The following GRM7 variants were observed in gnomAD, a reference collection of about 807,000 sequenced individuals.
GRM7 encodes metabotropic glutamate receptor 7.
GRM7 carries 35 observed loss-of-function variants against 84.5 expected under a neutral mutation model. The observed-to-expected ratio is 0.41, with a 90% CI of 0.32 to 0.55. The LOEUF (loss-of-function observed/expected upper bound fraction) is 0.55, where lower values mean the gene tolerates loss of function less well. Ranked by LOEUF, GRM7 falls within the 20% of genes least tolerant of loss-of-function variation. GRM7 has a pLI of 0.19. For missense variants in GRM7, 1,003 were observed against 1,194.6 expected (o/e 0.84, Z 2.36); for synonymous variants, 487 against 455.1 (o/e 1.07, Z -0.89).
At chr3:7,287,494 C>A (rs1276027654) in intron 2 of GRM7, among the ~76,000 whole-genome samples, 1 of 152,066 alleles carries the variant, frequency 6.6e-6, no homozygotes, top group Non-Finnish European at 1.5e-5. Flanking sequence ...GCTTTGATCC[C>A]AGAGGTGAAG....
At chr3:7,572,855 T>A (rs1249292802) in intron 7 of GRM7, among the ~76,000 whole-genome samples, 19,985 of 63,964 alleles carry the variant, frequency 0.31, 5,691 homozygotes, top group Non-Finnish European at 0.39. Context: ...TATATATATA[T>A]ATATATATAT....
rs574642863 is a variant in GRM7, at chr3:7,664,267, C to T, written c.2452-15782C>T. On this transcript the variant is annotated intron_variant, in intron 8 of 9. Transcript: ENST00000357716. ...TGGGTCTTTTCATTTGAGGCCACCC[C>T]TCAGGCTTCCACTTTTGTTGTAATC... 2.0e-5 allele frequency among the ~76,000 whole-genome samples: 3 copies of T among 151,264 alleles called. No individual in the cohort carries two copies. In the East Asian group the frequency reaches 5.8e-4, roughly 29 times the overall value.
intron 2 of GRM7, among the ~76,000 whole-genome samples, chr3:7,247,605 A>ATTTT (rs1697819242): frequency 1.4e-5 from 2 of 146,240 alleles, no homozygotes; most frequent in African/African-American, 5.3e-5. Flanking sequence ...TTTTTTTTAA[A>ATTTT]AAAAAAAAAA....
chr3:7,511,493 G>A (rs1024838798), intron 7 of GRM7, among the ~76,000 whole-genome samples: 1 of 152,130 alleles, frequency 6.6e-6, no homozygotes. Flanking sequence ...AAGATTGAGT[G>A]GACCCCTCAT....
At chr3:6,960,281 G>T (rs954081018) in intron 1 of GRM7, among the ~76,000 whole-genome samples, 13 of 152,016 alleles carry the variant, frequency 8.6e-5, no homozygotes, top group African/African-American at 2.9e-4. Flanking sequence ...AATTTGCAAA[G>T]AATTCTTTGT....
intron 2 of GRM7, among the ~76,000 whole-genome samples, chr3:7,296,346 T>C (rs2125018134): frequency 6.6e-6 from 1 of 152,210 alleles, no homozygotes; most frequent in South Asian, 2.1e-4. Context: ...TTGTCTATAT[T>C]TTATTTTTGT....
chr3:7,322,158 G>T (rs758464990), intron 4 of GRM7, among the ~76,000 whole-genome samples: 1 of 152,050 alleles, frequency 6.6e-6, no homozygotes, highest in Non-Finnish European at 1.5e-5. Context: ...AAATGTTAAT[G>T]ATGACAATAG....
In GRM7 at chr3:7,248,173, T is replaced by C. The variant is rs748437569; in HGVS notation, c.737-50511T>C. On this transcript the variant is annotated intron_variant, in intron 2 of 9. Coordinates refer to ENST00000357716, the MANE Select transcript of GRM7 (RefSeq NM_000844.4). ...CACTTACAGACTTATACTCAATGCT[T>C]ATAGCAGCTCTATTTATTATAGCGC... Among the ~76,000 whole-genome samples, 39 of 152,212 alleles carry C rather than the reference T, an allele frequency of 2.6e-4. 1 individual carries two copies. The highest frequency in any genetic ancestry group is 4.7e-4 in the Non-Finnish European group (32 of 68,038).
At chr3:7,469,800 A>T (rs1698622282) in intron 7 of GRM7, among the ~76,000 whole-genome samples, 2 of 152,202 alleles carry the variant, frequency 1.3e-5, no homozygotes, top group Non-Finnish European at 2.9e-5. Flanking sequence ...ATATTTATAA[A>T]TCAAAAATAG....
chr3:6,943,249 C>G (rs552604751), intron 1 of GRM7, among the ~76,000 whole-genome samples: 27 of 151,320 alleles, frequency 1.8e-4, no homozygotes, highest in Non-Finnish European at 1.9e-4. Context: ...CTTTTATGGA[C>G]CATAAAAGAA....
chr3:7,033,242 A>G (rs980731346), intron 1 of GRM7, among the ~76,000 whole-genome samples: 2 of 152,162 alleles, frequency 1.3e-5, no homozygotes, highest in Non-Finnish European at 2.9e-5. Context: ...GGTCCACCTT[A>G]ATCTAGTATA....
chr3:7,534,782 A>G (rs1701178696), intron 7 of GRM7, among the ~76,000 whole-genome samples: 1 of 152,194 alleles, frequency 6.6e-6, no homozygotes, highest in Admixed American at 6.5e-5. Context: ...TAAAAACAGA[A>G]TGCAATATGT....
chr3:6,932,903 T>C (rs1476078687), intron 1 of GRM7, among the ~76,000 whole-genome samples: 2 of 77,440 alleles, frequency 2.6e-5, no homozygotes, highest in African/African-American at 3.6e-5. Context: ...CACAGGCACC[T>C]ACCACCATGC....
chr3:7,394,631 A>T (rs1380614603), intron 4 of GRM7, among the ~76,000 whole-genome samples: 2 of 90,532 alleles, frequency 2.2e-5, no homozygotes, highest in Admixed American at 1.4e-4. Flanking sequence ...TAGGGAAAAT[A>T]CTTTTCCACG....
chr3:7,286,222 T>A (rs1425137807), intron 2 of GRM7, among the ~76,000 whole-genome samples: 1 of 152,218 alleles, frequency 6.6e-6, no homozygotes, highest in Non-Finnish European at 1.5e-5. Flanking sequence ...CAAGATTACA[T>A]GTTTTTCTTA....
intron 2 of GRM7, among the ~76,000 whole-genome samples, chr3:7,178,282 GC>G: frequency 6.6e-6 from 1 of 152,128 alleles, no homozygotes; most frequent in Admixed American, 6.5e-5. Flanking sequence ...TGACTTAGAA[GC>G]TTTTTTTTAG....
chr3:7,723,360 C>A (rs1301167482), intron 9 of GRM7, among the ~76,000 whole-genome samples: 1 of 152,162 alleles, frequency 6.6e-6, no homozygotes, highest in Non-Finnish European at 1.5e-5. Context: ...TAAGTGCTCA[C>A]CTCTGTAAGA....
chr3:7,227,700 CT>C (rs1218930150), intron 2 of GRM7, among the ~76,000 whole-genome samples: 1 of 152,126 alleles, frequency 6.6e-6, no homozygotes, highest in Non-Finnish European at 1.5e-5. Context: ...TACAGCTATT[CT>C]TTTAAAGCAT....
chr3:7,578,109 TA>T (rs1309879983), intron 7 of GRM7, among the ~76,000 whole-genome samples: 1 of 152,188 alleles, frequency 6.6e-6, no homozygotes, highest in Non-Finnish European at 1.5e-5. Flanking sequence ...GCACTTGTTA[TA>T]AATACAGCCC....
Sources: allele counts gnomAD v4.1 joint callset (sites outside exome capture counted in the v4.1 genomes callset), GRCh38; gene constraint gnomAD v4.1.1; transcripts MANE v1.5; gene names NCBI Gene and HGNC (gene_info 2026-07-23, HGNC 2026-07-21).